The following STRBP variants were observed in gnomAD, a reference collection of about 807,000 sequenced individuals.
STRBP encodes the protein spermatid perinuclear RNA binding protein, also known as spermatid perinuclear RNA-binding protein.
In STRBP, 13 loss-of-function variants were observed where a neutral mutation model predicts 80.1. The observed-to-expected ratio is 0.16, with a 90% CI of 0.11 to 0.26. STRBP has a LOEUF of 0.26. Among genes scored for constraint, STRBP ranks in the 10% least tolerant of loss-of-function variants. The probability of loss-of-function intolerance (pLI) is 1.00; values close to 1 mark genes in which losing one functional copy is unlikely to be tolerated. For synonymous variants in STRBP, 284 were observed against 291.2 expected (o/e 0.98, Z 0.25); for missense variants, 485 against 815.2 (o/e 0.59, Z 4.93).
chr9:123,135,900 C>A (rs2036334175), intron 16 of STRBP, 141 bp downstream of exon 16: 1 of 1,043,248 alleles, frequency 9.6e-7, no homozygotes, highest in East Asian at 2.5e-5. Flanking sequence ...TTATTCGTGA[C>A]CTAACCCAAA....
intron 13 of STRBP, among the ~76,000 whole-genome samples, chr9:123,145,924 T>A (rs2036793862): frequency 6.6e-6 from 1 of 152,146 alleles, no homozygotes; most frequent in Non-Finnish European, 1.5e-5. Flanking sequence ...GATCACTATC[T>A]GATGTTTACA....
At position 123,115,266 on chromosome 9, in the gene STRBP, G is replaced by A. The variant is rs1392864926; in HGVS notation, c.*84+663C>T. The A allele has an allele frequency of 2.1e-6, 1 of 471,066 alleles. No homozygotes were observed. The highest frequency in any genetic ancestry group is 4.4e-6 in the Non-Finnish European group (1 of 227,050). 29.2% of individuals were successfully genotyped at this position (471,066 alleles called of 1,614,324 possible). A position where few individuals can be genotyped will look rare whatever the true frequency, so the allele number is the denominator to read the frequency against. On this transcript the variant is annotated intron_variant and NMD_transcript_variant, in intron 3 of 3. Transcript: ENST00000471564. The surrounding 1 kb of genome is among the most constrained non-coding windows in gnomAD (Gnocchi z 5.0). The stretch of plus-strand genomic sequence containing the variant: ...TCCTGGGGATCCCGTCTGGCTCAGT[G>A]GGAAGCCTATCGCTCTTGGTAAATT...
intron 2 of STRBP, among the ~76,000 whole-genome samples, chr9:123,234,810 A>C (rs1156588982): frequency 6.6e-6 from 1 of 152,064 alleles, no homozygotes; most frequent in East Asian, 1.9e-4. Flanking sequence ...AAATACAAAA[A>C]TTAGCCAGGC....
rs751657117 is a variant in STRBP at position 123,128,153 on chromosome 9, C to CT, written c.1942+60dup. On this transcript the variant is annotated intron_variant, in intron 18 of 18. Coordinates refer to ENST00000348403, the MANE Select transcript of STRBP (RefSeq NM_018387.5). ...AATTTACAAAAACCCTAGATAGAAA[C>CT]TGTGCTTTGGATTGCTGTGACAGTC... The CT allele has an allele frequency of 2.0e-3, 3,168 of 1,588,314 alleles. 2 individuals are homozygous for CT. Among genetic ancestry groups the CT allele is most frequent in the Non-Finnish European group, 2.6e-3 (3,024 of 1,156,990 alleles).
Position 123,266,529 on chromosome 9 carries a change from T to C in STRBP, c.-302+1907A>G, listed in dbSNP as rs78724929. Among the ~76,000 whole-genome samples the C allele has an allele frequency of 4.6e-3, 707 of 152,114 alleles. 5 individuals are homozygous for C. The highest frequency in any genetic ancestry group is 5.8e-3 in the Non-Finnish European group (395 of 67,986). On this transcript the variant is annotated intron_variant, in intron 1 of 18. Transcript: ENST00000348403. ...CTTCTGCACTCTGCCTGATCTTCCT[T>C]AGACTCTCAGTGACCTAAAAATCTT... is the stretch of plus-strand genomic sequence containing the variant.
chr9:123,158,572 G>A, intron 9 of STRBP, 143 bp from the exon 10 acceptor site: 1 of 682,074 alleles, frequency 1.5e-6, no homozygotes, highest in Non-Finnish European at 2.5e-6. Context: ...GCTCAGTTAA[G>A]TGGAGTAAAA....
intron 3 of STRBP, among the ~76,000 whole-genome samples, chr9:123,181,410 C>A (rs2038452427): frequency 6.6e-6 from 1 of 152,170 alleles, no homozygotes; most frequent in African/African-American, 2.4e-5. Context: ...AAACATTTGT[C>A]ATTTATCACA....
intron 1 of STRBP, among the ~76,000 whole-genome samples, chr9:123,244,128 G>A (rs888235549): frequency 2.0e-5 from 3 of 152,204 alleles, no homozygotes; most frequent in Non-Finnish European, 2.9e-5. Context: ...GAGATGGGGG[G>A]AGAGTAAGAG....
intron 2 of STRBP, among the ~76,000 whole-genome samples, chr9:123,206,961 A>G (rs960296111): frequency 1.3e-5 from 2 of 152,122 alleles, no homozygotes; most frequent in African/African-American, 4.8e-5. Flanking sequence ...AAATATGAAC[A>G]AATTTATCAA....
At chr9:123,158,994 G>T in intron 9 of STRBP, 102 bp downstream of exon 9, 1 of 856,782 alleles carries the variant, frequency 1.2e-6, no homozygotes, top group Non-Finnish European at 1.9e-6. Flanking sequence ...GAACTCCTAT[G>T]CATCATTTTC....
chr9:123,212,885 T>G (rs1032117525), intron 2 of STRBP, among the ~76,000 whole-genome samples: 3 of 152,228 alleles, frequency 2.0e-5, no homozygotes, highest in Non-Finnish European at 4.4e-5. Flanking sequence ...AGGGCCAGAC[T>G]CATAAATTTT....
intron 11 of STRBP, among the ~76,000 whole-genome samples, chr9:123,151,453 G>T (rs971488776): frequency 6.6e-6 from 1 of 152,156 alleles, no homozygotes; most frequent in Non-Finnish European, 1.5e-5. Context: ...TAGGTCTCAA[G>T]AAGTATCAAA....
rs147866548 is a variant in STRBP, at chr9:123,225,531, T to C, written c.-165+11299A>G. On this transcript the variant is annotated intron_variant, in intron 2 of 18. Coordinates refer to ENST00000348403, the MANE Select transcript of STRBP (RefSeq NM_018387.5). ...CCCACCTTATGAGGCAGCGCCTACC[T>C]CCAGATGGTGATTCAAAAGCAAATG... Among the ~76,000 whole-genome samples, 1,326 of 152,280 alleles carry C rather than the reference T, an allele frequency of 8.7e-3. 20 individuals are homozygous for C. Among genetic ancestry groups the C allele is most frequent in the African/African-American group, 0.03 (1,263 of 41,544 alleles).
chr9:123,199,383 G>A (rs952144815), intron 2 of STRBP, among the ~76,000 whole-genome samples: 16 of 152,112 alleles, frequency 1.1e-4, no homozygotes, highest in East Asian at 1.9e-4. Flanking sequence ...GGTTCCACAC[G>A]AATTTTAGGA....
chr9:123,137,693 C>T (rs186803292), intron 14 of STRBP, among the ~76,000 whole-genome samples: 1 of 152,304 alleles, frequency 6.6e-6, no homozygotes, highest in Admixed American at 6.5e-5. Context: ...CAGGTGTGCA[C>T]CACCATGCCC....
chr9:123,193,376 T>G (rs1478124438), intron 2 of STRBP, among the ~76,000 whole-genome samples: 2 of 152,190 alleles, frequency 1.3e-5, no homozygotes, highest in African/African-American at 4.8e-5. Context: ...TCCATGGCAG[T>G]CATCACCACA....
chr9:123,139,579 A>C lies in STRBP; in HGVS notation c.1447T>G (p.Ser483Ala). Residue 483 changes from serine (S) to alanine (A), a missense_variant, in exon 14 of 19, where the codon TCA becomes GCA. Coordinates refer to ENST00000348403, the MANE Select transcript of STRBP (RefSeq NM_018387.5). ...GTAGAATTTCCAGTATTATTGCTTG[A>C]GTTTGAAGACACTGTTTCATTTTTA... ...ESKNETVSSNSSNNTGNSTTE... is the reference protein window; with the variant it reads ...ESKNETVSSNASNNTGNSTTE... The C allele has an allele frequency of 1.2e-6, 2 of 1,613,034 alleles. No homozygotes were observed. The highest frequency in any genetic ancestry group is 1.7e-6 in the Non-Finnish European group (2 of 1,179,788).
At chr9:123,243,265 CAAAAAA>C (rs1160280485) in intron 1 of STRBP, among the ~76,000 whole-genome samples, 946 of 78,948 alleles carry the variant, frequency 0.012, 8 homozygotes, top group African/African-American at 0.034. Flanking sequence ...ATCAATAAGA[CAAAAAA>C]AAAAAAAAAA....
Position 123,136,842 on chromosome 9 carries a change from G to A in STRBP, c.1498-327C>T, listed in dbSNP as rs1176228528. Reference sequence around the variant, plus strand: ...AATAATACTCTAAATTACTAATAACGAGAATAGAACAGTTTGGATTCACGT... The same window carrying A: ...AATAATACTCTAAATTACTAATAACAAGAATAGAACAGTTTGGATTCACGT... On this transcript the variant is annotated intron_variant, in intron 14 of 18. Transcript: ENST00000348403. The surrounding 1 kb of genome is among the most constrained non-coding windows in gnomAD (Gnocchi z 4.2). Among the ~76,000 whole-genome samples the A allele has an allele frequency of 2.0e-5, 3 of 152,134 alleles. No individual in the cohort carries two copies. The highest frequency in any genetic ancestry group is 2.1e-4 in the South Asian group (1 of 4,830).
Sources: allele counts gnomAD v4.1 joint callset (sites outside exome capture counted in the v4.1 genomes callset), GRCh38; gene constraint gnomAD v4.1.1; non-coding constraint Gnocchi (gnomAD v3.1); transcripts MANE v1.5; gene names NCBI Gene and HGNC (gene_info 2026-07-23, HGNC 2026-07-21).